The following HDHD5 variants were observed in gnomAD, a reference collection of about 807,000 sequenced individuals.
HDHD5 encodes the protein haloacid dehalogenase like hydrolase domain containing 5.
Under a neutral mutation model 35.5 loss-of-function variants are expected in HDHD5, and 34 were observed. That is an observed-to-expected ratio of 0.96 (90% CI 0.73 to 1.28). The LOEUF (loss-of-function observed/expected upper bound fraction) is 1.28. Ranked by LOEUF, HDHD5 falls within the 50% of genes most tolerant of loss-of-function variation. The pLI is 0.00. For synonymous variants in HDHD5, 248 were observed against 240.6 expected (o/e 1.03, Z -0.29); for missense variants, 589 against 560.2 (o/e 1.05, Z -0.52).
At chr22:17,164,889 G>A (rs2061882364) in intron 1 of HDHD5, among the ~76,000 whole-genome samples, 1 of 152,236 alleles carries the variant, frequency 6.6e-6, no homozygotes, top group Non-Finnish European at 1.5e-5. Flanking sequence ...TACAGGAATG[G>A]CAGGGAAGCT....
At position 17,149,528 on chromosome 22, in the gene HDHD5, G is replaced by C. The variant is rs965608058; in HGVS notation, c.330+14C>G. On this transcript the variant is annotated intron_variant, in intron 2 of 7. Coordinates refer to ENST00000336737, the MANE Select transcript of HDHD5 (RefSeq NM_033070.3). ...CAGGTCCTTGGGCTTCCATGCCTCT[G>C]GCTGCCTTCTCACCTCGCACCCCAG... is the stretch of plus-strand genomic sequence containing the variant. 1.2e-5 allele frequency: 20 copies of C among 1,609,400 alleles called. No homozygotes were observed. The highest frequency in any genetic ancestry group is 2.2e-5 in the South Asian group (2 of 90,896).
chr22:17,152,039 G>T (rs2061732416), intron 1 of HDHD5, among the ~76,000 whole-genome samples: 1 of 152,096 alleles, frequency 6.6e-6, no homozygotes, highest in Non-Finnish European at 1.5e-5. Flanking sequence ...GTTCCTGCCT[G>T]CCTACCTGGT....
chr22:17,159,294 C>CT (rs924828121), upstream of HDHD5: 2 of 1,237,544 alleles, frequency 1.6e-6, no homozygotes, highest in African/African-American at 1.7e-5. Flanking sequence ...CGGCCCCCCC[C>CT]CCCCGCGAGT....
Position 17,138,631 on chromosome 22 carries a change from TAA to T in HDHD5, c.852_853del (p.Tyr285ProfsTer28), listed in dbSNP as rs1178226639. On this transcript the variant is annotated frameshift_variant, in exon 7 of 8. Transcript: ENST00000336737. LOFTEE classifies it high-confidence loss of function. Reference sequence around the variant, plus strand: ...CCTGATCAGGTCCTCGGCATACTGGTAAGTGAGGATGCTGGGTTTGCCCATCA... The same window carrying T: ...CCTGATCAGGTCCTCGGCATACTGGTGTGAGGATGCTGGGTTTGCCCATCA... 1.2e-5 allele frequency: 19 copies of T among 1,614,048 alleles called. No individual in the cohort carries two copies. Among genetic ancestry groups the T allele is most frequent in the African/African-American group, 2.7e-5 (2 of 74,920 alleles).
At chr22:17,158,949 G>A (rs1204446257) in intron 1 of HDHD5, 177 bp downstream of exon 1, 4 of 502,312 alleles carry the variant, frequency 8.0e-6, no homozygotes, top group East Asian at 9.0e-5. Flanking sequence ...CGAGTCAGAG[G>A]AAGGCAGGGC....
chr22:17,144,759 C>G (rs1382450352), intron 4 of HDHD5, among the ~76,000 whole-genome samples: 1 of 151,994 alleles, frequency 6.6e-6, no homozygotes, highest in Non-Finnish European at 1.5e-5. Context: ...CTATGTTGCC[C>G]AGGCTGGTCT....
intron 6 of HDHD5, among the ~76,000 whole-genome samples, chr22:17,138,949 G>T (rs533968403): frequency 6.6e-6 from 1 of 152,176 alleles, no homozygotes; most frequent in East Asian, 1.9e-4. Flanking sequence ...TTTGTAAAAC[G>T]AGGAAACCAA....
At position 17,145,102 on chromosome 22, in the gene HDHD5, A is replaced by G; in HGVS notation, c.459T>C (p.Asn153=). The change falls in exon 4 of 8, where the codon AAT becomes AAC. Residue 153 remains asparagine, a synonymous_variant. Coordinates refer to ENST00000336737, the MANE Select transcript of HDHD5 (RefSeq NM_033070.3). ...MENAQGLGFR[N]VVTVDELRMA... Reference sequence around the variant, plus strand: ...TCCGCAGCTCATCCACGGTGACGACATTTCGGAAGCCCAGTCTGGAGCAAG... The same window carrying G: ...TCCGCAGCTCATCCACGGTGACGACGTTTCGGAAGCCCAGTCTGGAGCAAG... 6.2e-7 allele frequency: 1 copy of G among 1,614,034 alleles called. No homozygotes were observed. Among genetic ancestry groups the G allele is most frequent in the South Asian group, 1.1e-5 (1 of 91,076 alleles).
chr22:17,148,528 G>T lies in HDHD5; in HGVS notation c.363C>A (p.Ser121Arg). The change falls in exon 3 of 8, where the codon AGC becomes AGA. Residue 121 changes from serine to arginine, a missense_variant. Transcript: ENST00000336737. ...GGTACTCGGAGAAGAGCTTCATGGGGCTGTGAGAGAGGATAACTTGGTCTG... is the reference window on the plus strand; with the variant it reads ...GGTACTCGGAGAAGAGCTTCATGGGTCTGTGAGAGAGGATAACTTGGTCTG... ...VDADQVILSH[S>R]PMKLFSEYHE... is the part of the protein sequence containing the mutation. 1 of 1,614,210 alleles carries T rather than the reference G, an allele frequency of 6.2e-7. No homozygotes were observed.
At chr22:17,156,855 G>A (rs980101694) in intron 1 of HDHD5, among the ~76,000 whole-genome samples, 8 of 150,432 alleles carry the variant, frequency 5.3e-5, no homozygotes, top group Middle Eastern at 3.5e-3. Context: ...CAAGGCAGGC[G>A]GATCATGAGG....
Position 17,141,152 on chromosome 22 carries a change from G to A in HDHD5, c.653C>T (p.Pro218Leu), listed in dbSNP as rs764357015. 3 of 1,595,940 alleles carry A rather than the reference G, an allele frequency of 1.9e-6. No homozygotes were observed. Among genetic ancestry groups the A allele is most frequent in the Non-Finnish European group, 2.6e-6 (3 of 1,172,444 alleles). Residue 218 changes from proline to leucine, a missense_variant, in exon 6 of 8, where the codon CCT becomes CTT. Physicochemically the swap from Pro to Leu is moderately conservative, Grantham distance 98. Transcript: ENST00000336737. ...IMDVLLSNGS[P>L]GAGLATPPYP... is the part of the protein sequence containing the mutation. The stretch of plus-strand genomic sequence containing the variant: ...GGGGGGTGTTGCCAGGCCAGCCCCA[G>A]GGCTCCCATTGCTGAGGAGGACATC...
chr22:17,145,117 T>C lies in HDHD5; in HGVS notation c.444A>G (p.Gly148=). 1.2e-6 allele frequency: 2 copies of C among 1,614,052 alleles called. No individual in the cohort carries two copies. The highest frequency in any genetic ancestry group is 1.1e-5 in the South Asian group (1 of 91,078). ...CGGTGACGACATTTCGGAAGCCCAGTCTGGAGCAAGCTCAGGAAGTAATGC... is the reference window on the plus strand; with the variant it reads ...CGGTGACGACATTTCGGAAGCCCAGCCTGGAGCAAGCTCAGGAAGTAATGC... The part of the protein sequence containing the change: ...GQGPVMENAQ[G]LGFRNVVTVD... Residue 148 remains glycine (G), a splice_region_variant and synonymous_variant, in exon 4 of 8, where the codon GGA becomes GGG. Transcript: ENST00000336737.
intron 1 of HDHD5, among the ~76,000 whole-genome samples, chr22:17,150,686 T>C (rs141370296): frequency 1.3e-5 from 2 of 152,258 alleles, no homozygotes; most frequent in East Asian, 1.9e-4. Flanking sequence ...GCCCACCTAA[T>C]ATTTGTATTT....
upstream of HDHD5, among the ~76,000 whole-genome samples, chr22:17,161,920 C>T (rs1029605396): frequency 1.3e-5 from 2 of 151,970 alleles, no homozygotes; most frequent in Admixed American, 6.6e-5. Context: ...ATTCTAATTC[C>T]CCTCCCATTG....
intron 1 of HDHD5, among the ~76,000 whole-genome samples, chr22:17,153,612 ATT>A (rs2061753066): frequency 6.6e-6 from 1 of 152,024 alleles, no homozygotes; most frequent in African/African-American, 2.4e-5. Context: ...CACTACAAGC[ATT>A]TTTCCTGGGA....
rs1441799614 is a variant in HDHD5, at chr22:17,138,192, AT to A, written c.1100del (p.Asn367IlefsTer38). The A allele has an allele frequency of 1.2e-6, 2 of 1,614,004 alleles. No homozygotes were observed. Among genetic ancestry groups the A allele is most frequent in the Admixed American group, 1.7e-5 (1 of 60,000 alleles). ...ISILVCTGVY[N>X]PRNPQSTEPV... The stretch of plus-strand genomic sequence containing the variant: ...GCTCCGTGGACTGTGGGTTCCTGGG[AT>A]TGTAGACGCCTGTACACACCAGGAT... On this transcript the variant is annotated frameshift_variant, in exon 8 of 8. Transcript: ENST00000336737. LOFTEE classifies it low-confidence loss of function (END_TRUNC).
chr22:17,162,176 T>G (rs2061867276), upstream of HDHD5, among the ~76,000 whole-genome samples: 2 of 152,186 alleles, frequency 1.3e-5, no homozygotes, highest in South Asian at 4.1e-4. Flanking sequence ...AGAGAGAATC[T>G]TCTTGGAGGT....
intron 1 of HDHD5, 60 bp downstream of exon 1, chr22:17,159,066 C>A: frequency 8.3e-7 from 1 of 1,201,264 alleles, no homozygotes; most frequent in African/African-American, 1.6e-5. Context: ...CCCCGCGGCT[C>A]CCCGCCCCGC....
chr22:17,143,385 G>A, intron 4 of HDHD5: 1 of 435,914 alleles, frequency 2.3e-6, no homozygotes, highest in Non-Finnish European at 4.0e-6. Context: ...AGGGTGGTCA[G>A]CTGTCTTTCT....
Sources: gnomAD v4.1 joint callset for allele counts (sites outside exome capture counted in the v4.1 genomes callset) on GRCh38, gnomAD v4.1.1 for gene constraint, MANE v1.5 for transcripts, NCBI Gene and HGNC (gene_info 2026-07-23, HGNC 2026-07-21) for gene names.